NCKAP5: variants seen among roughly 807,000 people sequenced by gnomAD.
The protein encoded by NCKAP5 is nck-associated protein 5.
In NCKAP5, 92 loss-of-function variants were observed where a neutral mutation model predicts 167.0. The observed-to-expected ratio is 0.55, with a 90% confidence interval of 0.47 to 0.66. The LOEUF is 0.66. Among genes scored for constraint, NCKAP5 ranks in the 30% least tolerant of loss-of-function variants. The pLI, the probability that NCKAP5 is intolerant of heterozygous loss-of-function variation, is 0.00. For missense variants in NCKAP5, 2,378 were observed against 2,315.0 expected (o/e 1.03, Z -0.56); for synonymous variants, 891 against 877.4 (o/e 1.02, Z -0.27).
At chr2:132,990,005 G>A (rs1452266850) in intron 7 of NCKAP5, among the ~76,000 whole-genome samples, 1 of 152,020 alleles carries the variant, frequency 6.6e-6, no homozygotes, top group Non-Finnish European at 1.5e-5. Flanking sequence ...TAAGTGCTTT[G>A]CAAACTGTAA....
chr2:133,512,379 C>T (rs916918919), intron 3 of NCKAP5, among the ~76,000 whole-genome samples: 8 of 152,152 alleles, frequency 5.3e-5, no homozygotes, highest in South Asian at 2.1e-4. Flanking sequence ...ACCCAGGAAA[C>T]GTAAAACAGG....
intron 3 of NCKAP5, among the ~76,000 whole-genome samples, chr2:133,512,538 T>G (rs1250996084): frequency 6.6e-6 from 1 of 152,218 alleles, no homozygotes; most frequent in African/African-American, 2.4e-5. Context: ...ACAACAAAGG[T>G]GAGCAGTTGT....
intron 3 of NCKAP5, among the ~76,000 whole-genome samples, chr2:133,488,684 G>A (rs1318142969): frequency 6.6e-6 from 1 of 152,100 alleles, no homozygotes; most frequent in African/African-American, 2.4e-5. Context: ...TTAAATTTGG[G>A]AGGCTAAGGT....
intron 8 of NCKAP5, among the ~76,000 whole-genome samples, chr2:132,927,321 T>C (rs1449547112): frequency 6.6e-6 from 1 of 152,192 alleles, no homozygotes; most frequent in African/African-American, 2.4e-5. Context: ...TTTGCTCTTT[T>C]TGCTTAGAAT....
chr2:133,034,514 T>G (rs932105390), intron 6 of NCKAP5, among the ~76,000 whole-genome samples: 1 of 151,448 alleles, frequency 6.6e-6, no homozygotes, highest in African/African-American at 2.5e-5. Context: ...TCTTATTGTA[T>G]GTAGAAAGAC....
chr2:132,782,750 CT>C lies in NCKAP5; in HGVS notation c.4060del (p.Ser1354AlafsTer17). 1 of 1,613,984 alleles carries C rather than the reference CT, an allele frequency of 6.2e-7. No individual in the cohort carries two copies. Among genetic ancestry groups the C allele is most frequent in the Non-Finnish European group, 8.5e-7 (1 of 1,179,880 alleles). On this transcript the variant is annotated frameshift_variant, in exon 14 of 20. Coordinates refer to ENST00000409261, the MANE Select transcript of NCKAP5 (RefSeq NM_207363.3). LOFTEE classifies it high-confidence loss of function. ...ATGCTGACTGCTGAAGCTGCCTGAG[CT>C]CCCCAGGGAGCCCTTCCCGGAGGAG... is the stretch of plus-strand genomic sequence containing the variant. Reference protein sequence around the residue: ...HPSSGKGSLGSSGSFSSQHGS... With the variant: ...HPSSGKGSLGXSGSFSSQHGS...
At chr2:132,843,466 G>T (rs1022031098) in intron 11 of NCKAP5, among the ~76,000 whole-genome samples, 1 of 151,560 alleles carries the variant, frequency 6.6e-6, no homozygotes, top group African/African-American at 2.4e-5. Flanking sequence ...TCTGTTTAAG[G>T]CTTCTAAACT....
chr2:133,380,612 A>G (rs1436628333), intron 3 of NCKAP5, among the ~76,000 whole-genome samples: 1 of 152,190 alleles, frequency 6.6e-6, no homozygotes, highest in Non-Finnish European at 1.5e-5. Flanking sequence ...ATTCAGCTCT[A>G]ATGTATCCAT....
intron 13 of NCKAP5, among the ~76,000 whole-genome samples, chr2:132,789,080 A>T (rs1201047501): frequency 6.6e-6 from 1 of 152,148 alleles, no homozygotes; most frequent in East Asian, 1.9e-4. Flanking sequence ...CATTCAGGGG[A>T]GAGATTGCCT....
At chr2:133,654,376 T>TTAAA in the NCKAP5 span, among the ~76,000 whole-genome samples, 27,004 of 98,052 alleles carry the variant, frequency 0.28, 2,924 homozygotes, top group East Asian at 0.33. Context: ...AGACTCTATC[T>TTAAA]CAAATAAATA....
At chr2:133,252,253 T>C (rs1414755098) in intron 4 of NCKAP5, among the ~76,000 whole-genome samples, 12 of 152,076 alleles carry the variant, frequency 7.9e-5, no homozygotes, top group Admixed American at 7.9e-4. Context: ...TTCCTGGTAG[T>C]AAGGATTACT....
the NCKAP5 span, among the ~76,000 whole-genome samples, chr2:133,645,226 G>A: frequency 2.6e-5 from 4 of 152,272 alleles, no homozygotes; most frequent in Non-Finnish European, 5.9e-5. Context: ...AATGCTAAAT[G>A]TCAGAAATAA....
chr2:132,993,958 C>T (rs916266377), intron 7 of NCKAP5, among the ~76,000 whole-genome samples, 194 bp downstream of exon 7: 12 of 152,210 alleles, frequency 7.9e-5, no homozygotes, highest in African/African-American at 2.9e-4. Flanking sequence ...CTCTGTTTCA[C>T]AGTAGGAGTT....
At chr2:132,957,939 G>A (rs187007384) in intron 8 of NCKAP5, among the ~76,000 whole-genome samples, 28 of 152,150 alleles carry the variant, frequency 1.8e-4, no homozygotes, top group Admixed American at 3.3e-4. Context: ...CTTTCTACAC[G>A]GCTCTCTATA....
At position 133,467,156 on chromosome 2, in the gene NCKAP5, T is replaced by C. The variant is rs1681381000; in HGVS notation, c.69+50302A>G. ...ATACTGGCTGTGGGTTTGTCATAGA[T>C]AGCTCTTATTATTTTGAAATACGTC... On this transcript the variant is annotated intron_variant, in intron 3 of 19. Transcript: ENST00000409261. 4.6e-5 allele frequency among the ~76,000 whole-genome samples: 7 copies of C among 151,844 alleles called. No individual in the cohort carries two copies. In the South Asian group the frequency reaches 1.5e-3, roughly 32 times the overall value.
At position 132,955,662 on chromosome 2, in the gene NCKAP5, G is replaced by A. The variant is rs918831576; in HGVS notation, c.579+8058C>T. Among the ~76,000 whole-genome samples the A allele has an allele frequency of 1.1e-4, 16 of 152,022 alleles. No homozygotes were observed. The East Asian group carries it at 2.7e-3, about 26-fold the overall frequency. ...TAGTAGCATGATTTATAATCCTTTG[G>A]GTATATATCCAGTAATGAGATTGCT... On this transcript the variant is annotated intron_variant, in intron 8 of 19. Coordinates refer to ENST00000409261, the MANE Select transcript of NCKAP5 (RefSeq NM_207363.3).
At chr2:133,356,134 C>T (rs776610855) in intron 3 of NCKAP5, among the ~76,000 whole-genome samples, 4 of 152,030 alleles carry the variant, frequency 2.6e-5, no homozygotes, top group Non-Finnish European at 5.9e-5. Flanking sequence ...GCCATGTTGC[C>T]CAGGCTAGTC....
chr2:132,826,117 G>A (rs545994853), intron 11 of NCKAP5, among the ~76,000 whole-genome samples: 1 of 152,314 alleles, frequency 6.6e-6, no homozygotes, highest in East Asian at 1.9e-4. Flanking sequence ...TGTATGAACT[G>A]CTTTGCTCTC....
At chr2:132,868,842 G>T in intron 10 of NCKAP5, 94 bp downstream of exon 10, 1 of 841,666 alleles carries the variant, frequency 1.2e-6, no homozygotes, top group Non-Finnish European at 1.8e-6. Context: ...CAGAAGTATT[G>T]CATCTATCAA....
Sources: gnomAD v4.1 joint callset for allele counts (sites outside exome capture counted in the v4.1 genomes callset) on GRCh38, gnomAD v4.1.1 for gene constraint, MANE v1.5 for transcripts, NCBI Gene and HGNC (gene_info 2026-07-23, HGNC 2026-07-21) for gene names.